TAB2: variants seen among roughly 807,000 people sequenced by gnomAD.
TAB2 encodes TGF-beta-activated kinase 1 and MAP3K7-binding protein 2.
TAB2 carries 3 observed loss-of-function variants against 65.0 expected under a neutral mutation model. That is an observed-to-expected ratio of 0.05 (90% CI 0.02 to 0.12). The LOEUF is 0.12. TAB2 is among the 10% of genes least tolerant of loss of function. The pLI, the probability that TAB2 is intolerant of heterozygous loss-of-function variation, is 1.00. For synonymous variants in TAB2, 298 were observed against 285.1 expected (o/e 1.05, Z -0.46); for missense variants, 623 against 840.3 (o/e 0.74, Z 3.20).
At chr6:149,249,416 G>C (rs1039960525) in intron 1 of TAB2, among the ~76,000 whole-genome samples, 2 of 147,094 alleles carry the variant, frequency 1.4e-5, no homozygotes, top group Admixed American at 6.6e-5. Flanking sequence ...TGCTCTCTCT[G>C]TAACTCTCTC....
chr6:149,271,976 C>T (rs529716408), intron 1 of TAB2, among the ~76,000 whole-genome samples: 1 of 152,226 alleles, frequency 6.6e-6, no homozygotes, highest in East Asian at 1.9e-4. Flanking sequence ...AAACCCACAC[C>T]ACACAGTCCC....
At chr6:149,406,138 A>G (rs530686983) in intron 6 of TAB2, among the ~76,000 whole-genome samples, 2 of 152,348 alleles carry the variant, frequency 1.3e-5, no homozygotes, top group South Asian at 4.1e-4. Flanking sequence ...CAGCACTCAT[A>G]GTGTTACATC....
Position 149,410,012 on chromosome 6 carries a change from C to G in TAB2, c.*293C>G, listed in dbSNP as rs968193349. ...TTATGGATAATTCTCAATATGTTAA[C>G]ACCTAGGTGTTCCCAATACCTTTTT... is the stretch of plus-strand genomic sequence containing the variant. On this transcript the variant is annotated 3_prime_UTR_variant, in exon 7 of 7. Transcript: ENST00000637181. 47 of 441,752 alleles carry G rather than the reference C, an allele frequency of 1.1e-4. 1 individual carries two copies. Among genetic ancestry groups the G allele is most frequent in the Non-Finnish European group, 2.1e-5 (5 of 243,106 alleles). The allele number at this position is 441,752 out of a possible 1,614,324, so 27.4% of individuals were successfully genotyped here.
chr6:149,336,976 G>A (rs1295236545), intron 1 of TAB2, among the ~76,000 whole-genome samples: 5 of 151,430 alleles, frequency 3.3e-5, no homozygotes, highest in Non-Finnish European at 5.9e-5. Context: ...CTGAAATTTA[G>A]CATTTACTTT....
chr6:149,218,782 G>A lies in TAB2; in HGVS notation c.-121+6G>A, dbSNP rs746431791. 1.2e-4 allele frequency: 54 copies of A among 456,058 alleles called. 1 individual carries two copies. The highest frequency in any genetic ancestry group is 8.1e-4 in the South Asian group (52 of 64,534). 28.3% of individuals were successfully genotyped at this position (456,058 alleles called of 1,614,324 possible). ...CAAACCAACTGAGAATGCAGGTAAGGCAGGAAACAGTCATTGTTTCTGGAG... is the reference window on the plus strand; with the variant it reads ...CAAACCAACTGAGAATGCAGGTAAGACAGGAAACAGTCATTGTTTCTGGAG... On this transcript the variant is annotated splice_donor_region_variant and intron_variant, in intron 1 of 1. Transcript: ENST00000606202.
chr6:149,374,413 G>C (rs1165551029), intron 2 of TAB2, among the ~76,000 whole-genome samples: 3 of 152,090 alleles, frequency 2.0e-5, no homozygotes, highest in Admixed American at 1.3e-4. Context: ...TTTAGAGACA[G>C]GGTCTCACTA....
chr6:149,235,563 T>C (rs1189923980), intron 1 of TAB2, among the ~76,000 whole-genome samples: 3 of 152,176 alleles, frequency 2.0e-5, no homozygotes, highest in Non-Finnish European at 4.4e-5. Flanking sequence ...GATACATTGG[T>C]TGGAAGAACA....
At chr6:149,226,154 C>T (rs965974191) in intron 1 of TAB2, among the ~76,000 whole-genome samples, 1 of 152,032 alleles carries the variant, frequency 6.6e-6, no homozygotes, top group Non-Finnish European at 1.5e-5. Flanking sequence ...TGAGAGGATC[C>T]CGCTCCCTAG....
intron 1 of TAB2, among the ~76,000 whole-genome samples, chr6:149,322,056 A>G (rs1779472762): frequency 6.6e-6 from 1 of 152,172 alleles, no homozygotes; most frequent in Non-Finnish European, 1.5e-5. Context: ...AGAGAAAGGA[A>G]CTAATATTTA....
intron 1 of TAB2, among the ~76,000 whole-genome samples, chr6:149,308,949 G>C (rs2114710006): frequency 6.6e-6 from 1 of 152,130 alleles, no homozygotes; most frequent in South Asian, 2.1e-4. Context: ...TTCCATGAGG[G>C]CCAGACCATC....
In TAB2 at chr6:149,361,703, C is replaced by T. The variant is rs75284611; in HGVS notation, c.-89-8206C>T. Among the ~76,000 whole-genome samples, 515 of 152,330 alleles carry T rather than the reference C, an allele frequency of 3.4e-3. 3 individuals are homozygous for T. Among genetic ancestry groups the T allele is most frequent in the African/African-American group, 0.012 (494 of 41,572 alleles). ...CTTTCTCTGCCACATGGCCAGACTG[C>T]ATGTTTTCCAAACTTTTATAGTTCT... On this transcript the variant is annotated intron_variant, in intron 1 of 6. Transcript: ENST00000637181.
rs1781488332 is a variant in TAB2, at chr6:149,378,563, G to A, written c.648G>A (p.Arg216=). 1 of 1,613,826 alleles carries A rather than the reference G, an allele frequency of 6.2e-7. No homozygotes were observed. The highest frequency in any genetic ancestry group is 8.5e-7 in the Non-Finnish European group (1 of 1,180,020). Residue 216 remains arginine, a synonymous_variant, in exon 3 of 7, where the codon AGG becomes AGA. Coordinates refer to ENST00000637181, the MANE Select transcript of TAB2 (RefSeq NM_001292034.3). ...NSPQGNSIYI[R]PYITTPGGTT... ...CACAGGGAAATTCTATCTATATTAG[G>A]CCTTACATTACAACTCCTGGTGGTA...
intron 1 of TAB2, among the ~76,000 whole-genome samples, chr6:149,363,649 TATA>T (rs1171742680): frequency 1.3e-5 from 2 of 152,182 alleles, no homozygotes; most frequent in East Asian, 3.8e-4. Flanking sequence ...ATAATTACTA[TATA>T]ATGTTTTATC....
At chr6:149,272,896 C>T (rs1384784830) in intron 1 of TAB2, among the ~76,000 whole-genome samples, 4 of 152,172 alleles carry the variant, frequency 2.6e-5, no homozygotes, top group Admixed American at 2.0e-4. Context: ...ACCCTGGGGC[C>T]ACTGGAGCAT....
At chr6:149,373,164 C>A (rs1429406160) in intron 2 of TAB2, among the ~76,000 whole-genome samples, 3 of 152,128 alleles carry the variant, frequency 2.0e-5, no homozygotes. Context: ...TAATTTATAT[C>A]TTTAAAGTTG....
chr6:149,278,897 G>A lies in TAB2; in HGVS notation c.-121+60121G>A, dbSNP rs186544103. Among the ~76,000 whole-genome samples, 7 of 152,074 alleles carry A rather than the reference G, an allele frequency of 4.6e-5. No homozygotes were observed. In the East Asian group the frequency reaches 7.7e-4, roughly 17 times the overall value. ...AGTCCGAGACCTGTCTGGGCAACAC[G>A]ATGAAACCCCATCCCACAATATAAA... is the stretch of plus-strand genomic sequence containing the variant. On this transcript the variant is annotated intron_variant, in intron 1 of 1. Transcript: ENST00000606202.
intron 1 of TAB2, among the ~76,000 whole-genome samples, chr6:149,309,509 G>A (rs1779130580): frequency 6.6e-6 from 1 of 150,530 alleles, no homozygotes. Context: ...CCTTTCTCCT[G>A]CCTCAGCCTC....
At chr6:149,305,057 C>T (rs1305678848) in intron 1 of TAB2, among the ~76,000 whole-genome samples, 2 of 151,988 alleles carry the variant, frequency 1.3e-5, no homozygotes, top group Non-Finnish European at 2.9e-5. Flanking sequence ...TATATTGTTA[C>T]TTTTTATTGT....
intron 2 of TAB2, among the ~76,000 whole-genome samples, chr6:149,371,825 GA>G (rs966144877): frequency 3.3e-5 from 5 of 150,314 alleles, no homozygotes; most frequent in South Asian, 2.1e-4. Flanking sequence ...TATAAAATGT[GA>G]AAAAAAAATG....
Sources: allele counts gnomAD v4.1 joint callset (sites outside exome capture counted in the v4.1 genomes callset), GRCh38; gene constraint gnomAD v4.1.1; transcripts MANE v1.5; gene names NCBI Gene and HGNC (gene_info 2026-07-23, HGNC 2026-07-21).